The following TRPM7 variants were observed in gnomAD, a reference collection of about 807,000 sequenced individuals.
The protein encoded by TRPM7 is transient receptor potential cation channel subfamily M member 7.
TRPM7 carries 134 observed loss-of-function variants against 229.7 expected under a neutral mutation model. The ratio of observed to expected loss-of-function variants is 0.58; its 90% CI spans 0.51 to 0.67. The LOEUF (loss-of-function observed/expected upper bound fraction) is 0.67. TRPM7 is among the 30% of genes least tolerant of loss of function. The pLI is 0.00. For missense variants in TRPM7, 1,901 were observed against 2,210.0 expected (o/e 0.86, Z 2.80); for synonymous variants, 699 against 715.2 (o/e 0.98, Z 0.36).
intron 3 of TRPM7, among the ~76,000 whole-genome samples, chr15:50,653,594 C>G (rs1473601343): frequency 6.6e-6 from 1 of 152,182 alleles, no homozygotes; most frequent in Non-Finnish European, 1.5e-5. Flanking sequence ...ACCCCCATGA[C>G]TGCACCAGCT....
chr15:50,628,355 G>A, intron 10 of TRPM7, 106 bp from the exon 11 acceptor site: 1 of 726,430 alleles, frequency 1.4e-6, no homozygotes. Flanking sequence ...TGTTGCTCAG[G>A]CTAAAGTGCA....
rs191110505 is a variant in TRPM7 at position 50,614,402 on chromosome 15, C to T, written c.1495-139G>A. On this transcript the variant is annotated intron_variant, in intron 13 of 38. Coordinates refer to ENST00000646667, the MANE Select transcript of TRPM7 (RefSeq NM_017672.6). The stretch of plus-strand genomic sequence containing the variant: ...AGCAAGGGCCAGGTGCAGTGGCTCA[C>T]GCCTGTAATCCCAACATTTTGGGAG... 173 of 741,808 alleles carry T rather than the reference C, an allele frequency of 2.3e-4. 1 individual carries two copies. In the African/African-American group the frequency reaches 2.9e-3, roughly 12 times the overall value. The allele number at this position is 741,808 out of a possible 1,614,324, so 46.0% of individuals were successfully genotyped here.
intron 1 of TRPM7, among the ~76,000 whole-genome samples, chr15:50,666,353 T>C (rs2061879408): frequency 1.3e-5 from 2 of 151,474 alleles, no homozygotes; most frequent in Non-Finnish European, 2.9e-5. Context: ...AGCCAGAGGA[T>C]CATCTGAACC....
intron 35 of TRPM7, 36 bp from the exon 36 acceptor site, chr15:50,574,515 T>C (rs2054042695): frequency 6.3e-7 from 1 of 1,575,842 alleles, no homozygotes; most frequent in Non-Finnish European, 8.6e-7. Flanking sequence ...ACTAGCAGTT[T>C]TGTTAATAAA....
intron 12 of TRPM7, 80 bp downstream of exon 12, chr15:50,624,086 T>C (rs974872061): frequency 1.4e-6 from 2 of 1,388,220 alleles, no homozygotes; most frequent in South Asian, 1.5e-5. Context: ...GTTTTATCAA[T>C]AGGAATGGCT....
intron 26 of TRPM7, 35 bp from the exon 27 acceptor site, chr15:50,589,691 TTTTA>T (rs752681653): frequency 6.8e-6 from 10 of 1,464,684 alleles, no homozygotes; most frequent in South Asian, 4.9e-5. Flanking sequence ...AATGAGAAAT[TTTTA>T]TTTTTCTTCA....
intron 1 of TRPM7, among the ~76,000 whole-genome samples, chr15:50,679,513 TATA>T (rs1567129185): frequency 4.8e-5 from 3 of 61,878 alleles, no homozygotes; most frequent in African/African-American, 3.0e-4. Flanking sequence ...ATATATATAA[TATA>T]TATATATATA....
intron 1 of TRPM7, among the ~76,000 whole-genome samples, chr15:50,671,787 G>A (rs1249399990): frequency 6.6e-6 from 1 of 152,124 alleles, no homozygotes; most frequent in East Asian, 1.9e-4. Context: ...TCCAGCCTGG[G>A]TGAGAGAACT....
Position 50,604,899 on chromosome 15 carries a change from C to A in TRPM7, c.2955G>T (p.Gln985His), listed in dbSNP as rs1407999784. The A allele has an allele frequency of 6.2e-7, 1 of 1,609,666 alleles. No individual in the cohort carries two copies. The highest frequency in any genetic ancestry group is 8.5e-7 in the Non-Finnish European group (1 of 1,177,560). The stretch of plus-strand genomic sequence containing the variant: ...CAATCATCATTACATAAGGTCCTGC[C>A]TGTTGATTTACAGCTAGAAAATCTA... ...RLLDFLAVNQQAGPYVMMIGK... is the reference protein window; with the variant it reads ...RLLDFLAVNQHAGPYVMMIGK... Residue 985 changes from glutamine (Q) to histidine (H), a missense_variant, in exon 21 of 39, where the codon CAG (glutamine) becomes CAT (histidine). Around this residue, in one of 8 missense-constraint regions of TRPM7, gnomAD observed 207 missense variants for 241.5 expected, o/e 0.86. Transcript: ENST00000646667.
intron 7 of TRPM7, among the ~76,000 whole-genome samples, chr15:50,634,983 T>C (rs2060845444): frequency 6.6e-6 from 1 of 151,738 alleles, no homozygotes; most frequent in Non-Finnish European, 1.5e-5. Flanking sequence ...ATTTTTAAAA[T>C]ATATATTTCT....
intron 3 of TRPM7, among the ~76,000 whole-genome samples, chr15:50,652,656 GTT>G (rs141785189): frequency 0.54 from 81,488 of 151,418 alleles, 22,102 homozygotes; most frequent in Admixed American, 0.62. Flanking sequence ...CAAAAAAATC[GTT>G]TAAGTGGGTA....
intron 3 of TRPM7, among the ~76,000 whole-genome samples, chr15:50,653,500 AATAT>A (rs2061478268): frequency 2.0e-5 from 3 of 152,322 alleles, no homozygotes; most frequent in African/African-American, 7.2e-5. Context: ...ATGTGAACAA[AATAT>A]ATGAGATAAC....
intron 1 of TRPM7, among the ~76,000 whole-genome samples, chr15:50,675,411 A>G (rs2140968757): frequency 6.6e-6 from 1 of 152,194 alleles, no homozygotes; most frequent in Non-Finnish European, 1.5e-5. Context: ...TATTTCAAAA[A>G]CTTACTACCT....
chr15:50,671,649 A>G lies in TRPM7; in HGVS notation c.4-8603T>C, dbSNP rs540714057. Among the ~76,000 whole-genome samples the G allele has an allele frequency of 4.6e-5, 7 of 150,742 alleles. No homozygotes were observed. In the South Asian group the frequency reaches 8.4e-4, roughly 18 times the overall value. On this transcript the variant is annotated intron_variant, in intron 1 of 38. Coordinates refer to ENST00000646667, the MANE Select transcript of TRPM7 (RefSeq NM_017672.6). ...CATAATGAGATCCTGTCGCTACAAA[A>G]GTTTTTTTTAATTAGCCAAGCATGT...
At chr15:50,619,936 C>A in intron 12 of TRPM7, 138 bp from the exon 13 acceptor site, 1 of 687,848 alleles carries the variant, frequency 1.5e-6, no homozygotes, top group Non-Finnish European at 2.3e-6. Context: ...TAAAGTAGAA[C>A]AACAAAGAAT....
In TRPM7 at chr15:50,639,494, C is replaced by A. The variant is rs767402614; in HGVS notation, c.590G>T (p.Arg197Leu). 3 of 1,612,032 alleles carry A rather than the reference C, an allele frequency of 1.9e-6. No homozygotes were observed. Among genetic ancestry groups the A allele is most frequent in the Non-Finnish European group, 2.5e-6 (3 of 1,178,708 alleles). ...ALKEHASRSSRKICTIGIAPW... is the reference protein window; with the variant it reads ...ALKEHASRSSLKICTIGIAPW... ...AGCTATTCCGATAGTGCAAATCTTT[C>A]GAGATGATCTGGAAGCATGTTCTTT... The change falls in exon 6 of 39, where the codon CGA becomes CTA. Residue 197 changes from arginine (R) to leucine (L), a missense_variant. Physicochemically the swap from Arg to Leu is moderately radical, Grantham distance 102 (BLOSUM62 -2). Around this residue, in one of 8 missense-constraint regions of TRPM7, gnomAD observed 794 missense variants for 881.9 expected, o/e 0.90. Coordinates refer to ENST00000646667, the MANE Select transcript of TRPM7 (RefSeq NM_017672.6).
At chr15:50,605,404 G>A (rs1463464156) in intron 20 of TRPM7, among the ~76,000 whole-genome samples, 1 of 152,128 alleles carries the variant, frequency 6.6e-6, no homozygotes, top group African/African-American at 2.4e-5. Context: ...CAGTTCTCTA[G>A]ACCTGGATTG....
At chr15:50,567,831 G>A (rs1021854697) in intron 38 of TRPM7, among the ~76,000 whole-genome samples, 17 of 152,082 alleles carry the variant, frequency 1.1e-4, no homozygotes, top group South Asian at 2.1e-4. Context: ...GCTCATGCCT[G>A]TAATCCCAGC....
chr15:50,612,770 A>G lies in TRPM7; in HGVS notation c.1830T>C (p.Ile610=), dbSNP rs377127882. Reference sequence around the variant, plus strand: ...GAAAGCGCTTGGTTTCTGGATCATCAATGTCTACAATTTCATCTTTGGTTC... The same window carrying G: ...GAAAGCGCTTGGTTTCTGGATCATCGATGTCTACAATTTCATCTTTGGTTC... The part of the protein sequence containing the change: ...KKRTKDEIVD[I]DDPETKRFPY... The change falls in exon 16 of 39, where the codon ATT becomes ATC. Residue 610 remains isoleucine (I), a synonymous_variant. Coordinates refer to ENST00000646667, the MANE Select transcript of TRPM7 (RefSeq NM_017672.6). The G allele has an allele frequency of 5.6e-6, 9 of 1,613,954 alleles. No individual in the cohort carries two copies. The highest frequency in any genetic ancestry group is 6.8e-6 in the Non-Finnish European group (8 of 1,179,990).
Sources: gnomAD v4.1 joint callset for allele counts (sites outside exome capture counted in the v4.1 genomes callset) on GRCh38, gnomAD v4.1.1 for gene constraint, gnomAD v4.1.1 regional missense constraint, MANE v1.5 for transcripts, NCBI Gene and HGNC (gene_info 2026-07-23, HGNC 2026-07-21) for gene names.